PAPPA: variants seen among roughly 807,000 people sequenced by gnomAD.
PAPPA encodes the protein pappalysin-1.
Under a neutral mutation model 164.0 loss-of-function variants are expected in PAPPA, and 60 were observed. The ratio of observed to expected loss-of-function variants is 0.37; its 90% CI spans 0.30 to 0.45. The LOEUF is 0.45. Among genes scored for constraint, PAPPA ranks in the 20% least tolerant of loss-of-function variants. The pLI, the probability that PAPPA is intolerant of heterozygous loss-of-function variation, is 1.00. For missense variants in PAPPA, 1,782 were observed against 2,087.3 expected (o/e 0.85, Z 2.85); for synonymous variants, 875 against 814.1 (o/e 1.07, Z -1.27).
At chr9:116,243,437 TTTAGG>T (rs1025374482) in intron 7 of PAPPA, among the ~76,000 whole-genome samples, 6 of 152,326 alleles carry the variant, frequency 3.9e-5, no homozygotes, top group African/African-American at 9.6e-5. Context: ...ACCAATGGTG[TTTAGG>T]TATTAGCATG....
chr9:116,350,712 A>C (rs529101655), intron 15 of PAPPA, among the ~76,000 whole-genome samples: 1 of 152,254 alleles, frequency 6.6e-6, no homozygotes, highest in Non-Finnish European at 1.5e-5. Flanking sequence ...CCTTCCCACT[A>C]ACCTTGTGCA....
chr9:116,199,251 C>G (rs767236872), intron 2 of PAPPA, among the ~76,000 whole-genome samples: 1 of 152,180 alleles, frequency 6.6e-6, no homozygotes, highest in Non-Finnish European at 1.5e-5. Context: ...GGTTAGCCTT[C>G]CAAGAGACTC....
intron 18 of PAPPA, among the ~76,000 whole-genome samples, chr9:116,366,797 G>C (rs992849931): frequency 6.6e-6 from 1 of 152,188 alleles, no homozygotes; most frequent in Non-Finnish European, 1.5e-5. Context: ...TGGGCACCTA[G>C]GAGGGGCTTG....
chr9:116,156,006 G>A (rs913120073), intron 1 of PAPPA, among the ~76,000 whole-genome samples: 1 of 151,700 alleles, frequency 6.6e-6, no homozygotes, highest in Non-Finnish European at 1.5e-5. Context: ...CAGAGGAAAC[G>A]TTATCCATAA....
intron 2 of PAPPA, 93 bp downstream of exon 2, chr9:116,188,309 T>C (rs1844002999): frequency 1.1e-6 from 1 of 922,870 alleles, no homozygotes; most frequent in East Asian, 2.6e-5. Context: ...GTGGGTGATA[T>C]GGGGATTTTC....
At chr9:116,367,391 G>A (rs1275103413) in intron 18 of PAPPA, among the ~76,000 whole-genome samples, 1 of 152,214 alleles carries the variant, frequency 6.6e-6, no homozygotes, top group East Asian at 1.9e-4. Flanking sequence ...TTGAGCAGAG[G>A]AGGAGCTTGA....
In PAPPA at chr9:116,335,247, T is replaced by A. The variant is rs55892731; in HGVS notation, c.3611+173T>A. On this transcript the variant is annotated intron_variant, in intron 13 of 21. Transcript: ENST00000328252. ...GCCTTGTGGCCCATGAGTCTCTGAA[T>A]TCCTGGGGCAATTAAGGGAAACGGT... is the stretch of plus-strand genomic sequence containing the variant. Among the ~76,000 whole-genome samples, 1,456 of 152,196 alleles carry A rather than the reference T, an allele frequency of 9.6e-3. 10 individuals are homozygous for A. Among genetic ancestry groups the A allele is most frequent in the Middle Eastern group, 0.017 (5 of 292 alleles).
intron 7 of PAPPA, among the ~76,000 whole-genome samples, chr9:116,258,972 A>G (rs996402571): frequency 2.6e-5 from 4 of 151,900 alleles, no homozygotes; most frequent in Non-Finnish European, 5.9e-5. Context: ...CATCTCTACT[A>G]AAAATATAAA....
chr9:116,168,966 G>A (rs774427500), intron 1 of PAPPA, among the ~76,000 whole-genome samples: 1 of 152,140 alleles, frequency 6.6e-6, no homozygotes, highest in Non-Finnish European at 1.5e-5. Context: ...ATGTCGGTGA[G>A]GGCTGGCTAA....
chr9:116,227,622 G>T, intron 6 of PAPPA, 70 bp downstream of exon 6: 1 of 1,518,900 alleles, frequency 6.6e-7, no homozygotes, highest in Non-Finnish European at 8.9e-7. Flanking sequence ...ATGTATATGG[G>T]GTTTTATTAT....
At chr9:116,367,879 C>T (rs1846523005) in intron 19 of PAPPA, 125 bp downstream of exon 19, 7 of 703,984 alleles carry the variant, frequency 9.9e-6, no homozygotes, top group East Asian at 2.7e-5. Context: ...AATCATCACA[C>T]CTGCCCTGTG....
At chr9:116,249,276 C>T (rs911276809) in intron 7 of PAPPA, among the ~76,000 whole-genome samples, 2 of 152,186 alleles carry the variant, frequency 1.3e-5, no homozygotes, top group Non-Finnish European at 2.9e-5. Context: ...CTGAAAGAGG[C>T]AGCAACTAAG....
chr9:116,259,003 C>T (rs1587976022), intron 7 of PAPPA, among the ~76,000 whole-genome samples: 1 of 151,984 alleles, frequency 6.6e-6, no homozygotes, highest in East Asian at 2.0e-4. Context: ...CATGGTGGCA[C>T]ATGCCTGTAA....
intron 1 of PAPPA, among the ~76,000 whole-genome samples, chr9:116,155,293 G>A (rs1031147653): frequency 1.3e-4 from 20 of 152,302 alleles, no homozygotes; most frequent in African/African-American, 4.8e-4. Flanking sequence ...TTATGAGCCC[G>A]TAATGAATTT....
At chr9:116,285,864 A>C (rs1466866321) in intron 9 of PAPPA, 1 of 152,210 alleles carries the variant, frequency 6.6e-6, no homozygotes, top group East Asian at 1.9e-4. Flanking sequence ...TCAGGCAAGA[A>C]AGTGTAGTTG....
At chr9:116,351,924 G>A (rs1307492951) in intron 15 of PAPPA, among the ~76,000 whole-genome samples, 1 of 152,184 alleles carries the variant, frequency 6.6e-6, no homozygotes, top group Non-Finnish European at 1.5e-5. Flanking sequence ...AGAAACACAA[G>A]TTTCAGGTCC....
At chr9:116,341,030 T>TTTTATTTATTTATTTATTTATTTA (rs370348154) in intron 13 of PAPPA, among the ~76,000 whole-genome samples, 23 of 151,048 alleles carry the variant, frequency 1.5e-4, no homozygotes, top group African/African-American at 4.4e-4. Flanking sequence ...TATTTTTTTG[T>TTTTATTTATTTATTTATTTATTTA]TTTATTTATT....
At chr9:116,346,400 C>G (rs1331527666) in intron 14 of PAPPA, among the ~76,000 whole-genome samples, 2 of 152,096 alleles carry the variant, frequency 1.3e-5, no homozygotes, top group African/African-American at 4.8e-5. Context: ...GGGAGTGGAT[C>G]TTTGAGCAGT....
chr9:116,398,414 T>C lies in PAPPA; in HGVS notation c.*1798T>C, dbSNP rs139511622. ...CCTAGCATAGGGATAGAAAATACCA[T>C]GCACGTGTGCAGCCCCACCTAATTC... On this transcript the variant is annotated 3_prime_UTR_variant, in exon 22 of 22. Transcript: ENST00000328252. 116 of 375,094 alleles carry C rather than the reference T, an allele frequency of 3.1e-4. No individual in the cohort carries two copies. The highest frequency in any genetic ancestry group is 2.4e-3 in the African/African-American group (114 of 46,758). 23.2% of individuals were successfully genotyped at this position (375,094 alleles called of 1,614,324 possible). A position where few individuals can be genotyped will look rare whatever the true frequency, so the allele number is the denominator to read the frequency against.
Sources: gnomAD v4.1 joint callset for allele counts (sites outside exome capture counted in the v4.1 genomes callset) on GRCh38, gnomAD v4.1.1 for gene constraint, MANE v1.5 for transcripts, NCBI Gene and HGNC (gene_info 2026-07-23, HGNC 2026-07-21) for gene names.